Variants in FAAH2 observed in about 807,000 individuals in gnomAD.
The protein encoded by FAAH2 is fatty acid amide hydrolase 2.
In FAAH2, 60 loss-of-function variants were observed where a neutral mutation model predicts 36.9. The observed-to-expected ratio is 1.63, with a 90% CI of 1.32 to 2.02. FAAH2 has a LOEUF of 2.02. Ranked by LOEUF, FAAH2 falls within the 30% of genes most tolerant of loss-of-function variation. The probability of loss-of-function intolerance (pLI) is 0.00; values close to 1 mark genes in which losing one functional copy is unlikely to be tolerated. For synonymous variants in FAAH2, 214 were observed against 143.8 expected, an observed-to-expected ratio of 1.49 and a Z score of -3.49; for missense variants, 689 against 397.5, an observed-to-expected ratio of 1.73 and a Z score of -6.23.
the FAAH2 span, among the ~76,000 whole-genome samples, chrX:57,180,658 G>T: frequency 1.8e-5 from 2 of 110,355 alleles, no homozygotes; most frequent in African/African-American, 3.3e-5. Context: ...AACAACAACA[G>T]AAAGCCCAGG....
intron 2 of FAAH2, among the ~76,000 whole-genome samples, chrX:57,300,043 A>G (rs1354350862): frequency 1.8e-5 from 2 of 111,901 alleles, no homozygotes; most frequent in Non-Finnish European, 1.9e-5. Flanking sequence ...AAGGTAATTT[A>G]TAGATTCAAT....
At chrX:57,421,244 G>T (rs1388859446) in intron 7 of FAAH2, among the ~76,000 whole-genome samples, 3 of 111,708 alleles carry the variant, frequency 2.7e-5, no homozygotes, top group South Asian at 3.8e-4. Flanking sequence ...AGGAGTCTGA[G>T]ACCAGCCTAA....
At chrX:57,128,937 A>G in the FAAH2 span, among the ~76,000 whole-genome samples, 1 of 111,971 alleles carries the variant, frequency 8.9e-6, no homozygotes, top group Non-Finnish European at 1.9e-5. Flanking sequence ...ATGGGGTAGA[A>G]GGAGAGAATC....
chrX:57,352,104 ATATGTGTATATATATG>A lies in FAAH2; in HGVS notation c.742+10715_742+10730del, dbSNP rs1349633281. On this transcript the variant is annotated intron_variant, in intron 5 of 10. Coordinates refer to ENST00000374900, the MANE Select transcript of FAAH2 (RefSeq NM_174912.4). ...TGTGTATATATATGCACATATATAT[ATATGTGTATATATATG>A]CACATATATATATATGTGTATATAT... Among the ~76,000 whole-genome samples, 34 of 48,696 alleles carry A rather than the reference ATATGTGTATATATATG, an allele frequency of 7.0e-4. 1 individual carries two copies. Among genetic ancestry groups the A allele is most frequent in the Non-Finnish European group, 8.5e-4 (26 of 30,527 alleles). 42.3% of individuals were successfully genotyped at this position (48,696 alleles called of 115,157 possible). A position where few individuals can be genotyped will look rare whatever the true frequency, so the allele number is the denominator to read the frequency against.
chrX:57,483,860 A>G (rs1293454614), intron 10 of FAAH2, among the ~76,000 whole-genome samples: 1 of 100,321 alleles, frequency 1.0e-5, no homozygotes, highest in Non-Finnish European at 2.0e-5. Flanking sequence ...ATGGCGCACA[A>G]TAAATCTCAG....
the FAAH2 span, among the ~76,000 whole-genome samples, chrX:57,245,496 A>G: frequency 8.9e-6 from 1 of 112,143 alleles, no homozygotes; most frequent in Non-Finnish European, 1.9e-5. Context: ...ACTCCTCAGG[A>G]AATGCAAAAC....
chrX:57,378,029 G>C (rs1395770279), intron 5 of FAAH2, among the ~76,000 whole-genome samples: 2 of 111,866 alleles, frequency 1.8e-5, no homozygotes, highest in Non-Finnish European at 3.8e-5. Flanking sequence ...GGTTAAGAAA[G>C]TTTTGGGCTG....
chrX:57,127,199 A>G, the FAAH2 span: 41 of 111,606 alleles, frequency 3.7e-4, 1 homozygote, highest in East Asian at 7.9e-3. Context: ...TTTAAGTTAT[A>G]TGAAACAATA....
At position 57,331,754 on chromosome X, in the gene FAAH2, A is replaced by G; in HGVS notation, c.569A>G (p.Tyr190Cys). 1 of 1,211,579 alleles carries G rather than the reference A, an allele frequency of 8.3e-7. No homozygotes were observed. The highest frequency in any genetic ancestry group is 1.1e-6 in the Non-Finnish European group (1 of 895,478). The change falls in exon 4 of 11, where the codon TAT becomes TGT. Residue 190 changes from tyrosine to cysteine, a missense_variant. Tyr to Cys is a radical substitution (Grantham distance 194, BLOSUM62 -2). Coordinates refer to ENST00000374900, the MANE Select transcript of FAAH2 (RefSeq NM_174912.4). ...CMWYESSNKI[Y>C]GRSNNPYDLQ... ...TGGTATGAATCCAGTAACAAGATCT[A>G]TGGCCGATCAAACAACCCATATGAT...
chrX:57,283,397 G>A (rs940854574), upstream of FAAH2, among the ~76,000 whole-genome samples: 5 of 111,177 alleles, frequency 4.5e-5, no homozygotes, highest in Admixed American at 9.5e-5. Flanking sequence ...GGGGTTCGAG[G>A]GATAACAGGG....
At chrX:57,482,903 A>G (rs555966815) in intron 10 of FAAH2, among the ~76,000 whole-genome samples, 3 of 109,681 alleles carry the variant, frequency 2.7e-5, no homozygotes, top group African/African-American at 6.6e-5. Flanking sequence ...GTTTTGTTTT[A>G]TAGGTGCTTT....
intron 5 of FAAH2, among the ~76,000 whole-genome samples, chrX:57,375,051 C>T (rs902086952): frequency 9.1e-6 from 1 of 110,228 alleles, no homozygotes; most frequent in Non-Finnish European, 1.9e-5. Context: ...TAAATGATCC[C>T]TGCATCCTGG....
At chrX:57,442,515 T>A (rs5960272) in intron 8 of FAAH2, among the ~76,000 whole-genome samples, 4 of 110,028 alleles carry the variant, frequency 3.6e-5, no homozygotes, top group Non-Finnish European at 5.7e-5. Flanking sequence ...CTGCATGTGA[T>A]ATGGGTTTCC....
intron 2 of FAAH2, among the ~76,000 whole-genome samples, chrX:57,308,730 A>T (rs561231662): frequency 9.0e-6 from 1 of 111,504 alleles, no homozygotes; most frequent in Non-Finnish European, 1.9e-5. Flanking sequence ...CATTTCTAGC[A>T]TATTGTCATA....
the FAAH2 span, among the ~76,000 whole-genome samples, chrX:57,149,573 A>G: frequency 9.9e-5 from 11 of 111,386 alleles, no homozygotes; most frequent in Admixed American, 1.0e-3. Context: ...CTCTGATGGT[A>G]GTTTGTATTT....
the FAAH2 span, among the ~76,000 whole-genome samples, chrX:57,237,368 C>A: frequency 2.7e-5 from 3 of 110,722 alleles, no homozygotes; most frequent in East Asian, 8.4e-4. Flanking sequence ...TAAAATATTA[C>A]AATCATACTA....
At position 57,322,844 on chromosome X, in the gene FAAH2, T is replaced by A. The variant is rs184803686; in HGVS notation, c.413-8754T>A. 5.4e-3 allele frequency among the ~76,000 whole-genome samples: 598 copies of A among 111,123 alleles called. 3 individuals carry two copies. Among genetic ancestry groups the A allele is most frequent in the African/African-American group, 0.018 (561 of 30,485 alleles). On this transcript the variant is annotated intron_variant, in intron 3 of 10. Transcript: ENST00000374900. ...TGTTTTGTTTTGTTTTCCTTTTTTTTAATTATACTTTAAGTTTTAGGGTAC... is the reference window on the plus strand; with the variant it reads ...TGTTTTGTTTTGTTTTCCTTTTTTTAAATTATACTTTAAGTTTTAGGGTAC...
chrX:57,212,144 G>A, the FAAH2 span, among the ~76,000 whole-genome samples: 1 of 111,534 alleles, frequency 9.0e-6, no homozygotes, highest in Admixed American at 9.6e-5. Flanking sequence ...TGTGGCAGAA[G>A]GATTGCTTGA....
chrX:57,309,593 A>G (rs1236172328), intron 2 of FAAH2, among the ~76,000 whole-genome samples: 1 of 111,307 alleles, frequency 9.0e-6, no homozygotes, highest in Admixed American at 9.6e-5. Flanking sequence ...TGCATTAGCT[A>G]TTTTATCTGA....
Sources: gnomAD v4.1 joint callset for allele counts (sites outside exome capture counted in the v4.1 genomes callset) on GRCh38, gnomAD v4.1.1 for gene constraint, MANE v1.5 for transcripts, NCBI Gene and HGNC (gene_info 2026-07-23, HGNC 2026-07-21) for gene names.